The following CEP170 variants were observed in gnomAD, a reference collection of about 807,000 sequenced individuals.
The protein encoded by CEP170 is centrosomal protein of 170 kDa.
Under a neutral mutation model 151.9 loss-of-function variants are expected in CEP170, and 21 were observed. The observed-to-expected ratio is 0.14, with a 90% CI of 0.10 to 0.20. The LOEUF (loss-of-function observed/expected upper bound fraction) is 0.20. Ranked by LOEUF, CEP170 falls within the 10% of genes least tolerant of loss-of-function variation. The pLI, the probability that CEP170 is intolerant of heterozygous loss-of-function variation, is 1.00. For missense variants in CEP170, 964 were observed against 1,892.9 expected, an observed-to-expected ratio of 0.51 and a Z score of 9.11; for synonymous variants, 356 against 648.8, an observed-to-expected ratio of 0.55 and a Z score of 6.86.
At chr1:243,246,650 A>G (rs912963717) in intron 1 of CEP170, among the ~76,000 whole-genome samples, 1 of 152,206 alleles carries the variant, frequency 6.6e-6, no homozygotes, top group African/African-American at 2.4e-5. Context: ...GTTTAACTTC[A>G]TGATAAAATG....
chr1:243,165,534 C>A lies in CEP170; in HGVS notation c.2426G>T (p.Arg809Ile), dbSNP rs2148552890. ...TTTCAGAATTTCCTCAGCTTTTCTT[C>A]TCTTGCTCTCACTTTGTGCCACTCT... ...GDRVAQSESK[R>I]RKAEEILKSQ... is the part of the protein sequence containing the mutation. Residue 809 changes from arginine to isoleucine, a missense_variant, in exon 13 of 20, where the codon AGA (arginine) becomes ATA (isoleucine). Physicochemically the swap from Arg to Ile is moderately conservative, Grantham distance 97. Coordinates refer to ENST00000366542, the MANE Select transcript of CEP170 (RefSeq NM_014812.3). 1 of 1,613,176 alleles carries A rather than the reference C, an allele frequency of 6.2e-7. No homozygotes were observed. Among genetic ancestry groups the A allele is most frequent in the African/African-American group, 1.3e-5 (1 of 74,938 alleles).
At chr1:243,251,177 T>A (rs1000257295) in intron 1 of CEP170, among the ~76,000 whole-genome samples, 1 of 152,296 alleles carries the variant, frequency 6.6e-6, no homozygotes, top group East Asian at 1.9e-4. Context: ...TATTACACTT[T>A]TTGGAAGCTA....
chr1:243,148,408 T>C (rs917827302), intron 14 of CEP170, among the ~76,000 whole-genome samples: 11 of 151,316 alleles, frequency 7.3e-5, no homozygotes, highest in Admixed American at 2.6e-4. Context: ...CCATCTCTAC[T>C]AAAAATACAA....
intron 3 of CEP170, among the ~76,000 whole-genome samples, chr1:243,212,641 C>T (rs1328689009): frequency 1.3e-5 from 2 of 151,776 alleles, no homozygotes; most frequent in African/African-American, 4.8e-5. Flanking sequence ...GAAGCAATAA[C>T]CAACAAAAAA....
At chr1:243,142,059 T>C (rs1466044164) in intron 15 of CEP170, among the ~76,000 whole-genome samples, 1 of 152,270 alleles carries the variant, frequency 6.6e-6, no homozygotes, top group East Asian at 1.9e-4. Flanking sequence ...CAAGTGAAGC[T>C]ATGGACCAAG....
At chr1:243,246,908 G>GTAT (rs56335080) in intron 1 of CEP170, among the ~76,000 whole-genome samples, 61,885 of 151,792 alleles carry the variant, frequency 0.41, 14,633 homozygotes, top group East Asian at 0.66. Context: ...AGATACCTAT[G>GTAT]TATTGTGAAG....
At chr1:243,217,039 C>G (rs1478213916) in intron 3 of CEP170, among the ~76,000 whole-genome samples, 1 of 152,176 alleles carries the variant, frequency 6.6e-6, no homozygotes, top group African/African-American at 2.4e-5. Context: ...ATAGTATAGC[C>G]TACTACACAC....
intron 14 of CEP170, among the ~76,000 whole-genome samples, chr1:243,155,707 C>G (rs1243272166): frequency 6.6e-6 from 1 of 151,954 alleles, no homozygotes; most frequent in South Asian, 2.1e-4. Flanking sequence ...CAGATTTAAT[C>G]TTCAAAATAG....
intron 1 of CEP170, among the ~76,000 whole-genome samples, chr1:243,246,942 G>T (rs1424091463): frequency 6.6e-6 from 1 of 152,070 alleles, no homozygotes; most frequent in African/African-American, 2.4e-5. Context: ...GCCTCAAAAA[G>T]CTTACCACAA....
chr1:243,216,273 A>G (rs2062279063), intron 3 of CEP170, among the ~76,000 whole-genome samples: 1 of 152,098 alleles, frequency 6.6e-6, no homozygotes, highest in Non-Finnish European at 1.5e-5. Context: ...ACATATGTAT[A>G]CATGTGCCAT....
In CEP170 at chr1:243,126,576, G is replaced by C; in HGVS notation, c.4628C>G (p.Ala1543Gly). The C allele has an allele frequency of 6.4e-7, 1 of 1,574,782 alleles. No homozygotes were observed. Among genetic ancestry groups the C allele is most frequent in the Non-Finnish European group, 8.6e-7 (1 of 1,158,838 alleles). ...TPTLGQPEARALHPAAVSAAA... is the reference protein window; with the variant it reads ...TPTLGQPEARGLHPAAVSAAA... ...GGCTGAAACAGCAGCAGGATGAAGA[G>C]CCCTAGCTTCTGGTTGGCCAAGTGT... is the stretch of plus-strand genomic sequence containing the variant. The change falls in exon 20 of 20, where the codon GCT (alanine) becomes GGT (glycine). Residue 1543 changes from alanine (A) to glycine (G), a missense_variant. By Grantham distance (60) the Ala-to-Gly change is moderately conservative. Coordinates refer to ENST00000366542, the MANE Select transcript of CEP170 (RefSeq NM_014812.3).
chr1:243,179,380 C>A (rs1418844727), intron 10 of CEP170, among the ~76,000 whole-genome samples: 1 of 152,108 alleles, frequency 6.6e-6, no homozygotes, highest in Non-Finnish European at 1.5e-5. Flanking sequence ...AGGTAGGTAT[C>A]GCTAGGAACT....
chr1:243,252,572 T>C lies in CEP170; in HGVS notation c.-42+2468A>G, dbSNP rs193135228. 2.4e-3 allele frequency among the ~76,000 whole-genome samples: 363 copies of C among 152,228 alleles called. 1 individual carries two copies. The highest frequency in any genetic ancestry group is 8.5e-3 in the African/African-American group (354 of 41,562). ...AAGCACAGAATTTTAAAAAGTACCA[T>C]AACAGCATTAATATGCAGAATGTAT... On this transcript the variant is annotated intron_variant, in intron 1 of 19. Transcript: ENST00000366542.
intron 12 of CEP170, among the ~76,000 whole-genome samples, chr1:243,169,004 T>A (rs1246331226): frequency 1.5e-5 from 2 of 137,632 alleles, no homozygotes; most frequent in African/African-American, 2.7e-5. Context: ...TATATATATA[T>A]AATATATATG....
chr1:243,198,344 T>TC (rs2060799116), intron 7 of CEP170, among the ~76,000 whole-genome samples: 1 of 152,136 alleles, frequency 6.6e-6, no homozygotes, highest in South Asian at 2.1e-4. Context: ...AAAAATGTGT[T>TC]CCTTGACTAT....
chr1:243,252,100 G>A (rs1396279915), intron 1 of CEP170, among the ~76,000 whole-genome samples: 1 of 152,028 alleles, frequency 6.6e-6, no homozygotes, highest in Non-Finnish European at 1.5e-5. Context: ...CCCATCAAAA[G>A]TATCCCATTT....
intron 10 of CEP170, among the ~76,000 whole-genome samples, chr1:243,183,209 T>G (rs1418123891): frequency 6.6e-6 from 1 of 152,172 alleles, no homozygotes; most frequent in East Asian, 1.9e-4. Flanking sequence ...ACATAGTTAA[T>G]GTTGAATTAA....
intron 8 of CEP170, among the ~76,000 whole-genome samples, chr1:243,188,071 A>T (rs1389463278): frequency 1.3e-5 from 2 of 152,072 alleles, no homozygotes; most frequent in Non-Finnish European, 1.5e-5. Flanking sequence ...TAGGAATAAC[A>T]GATAGCAGAT....
intron 10 of CEP170, among the ~76,000 whole-genome samples, chr1:243,183,600 G>A (rs1396317774): frequency 6.6e-6 from 1 of 152,158 alleles, no homozygotes; most frequent in African/African-American, 2.4e-5. Flanking sequence ...TTGGCTTTAA[G>A]CTTTATGTGG....
Sources: allele counts gnomAD v4.1 joint callset (sites outside exome capture counted in the v4.1 genomes callset), GRCh38; gene constraint gnomAD v4.1.1; transcripts MANE v1.5; gene names NCBI Gene and HGNC (gene_info 2026-07-23, HGNC 2026-07-21).